Variants in TRIOBP observed in about 807,000 individuals in gnomAD.
TRIOBP encodes TRIO and F-actin-binding protein.
Under a neutral mutation model 238.8 loss-of-function variants are expected in TRIOBP, and 169 were observed. That is an observed-to-expected ratio of 0.71 (90% CI 0.62 to 0.80). The LOEUF (loss-of-function observed/expected upper bound fraction) is 0.80. Among genes scored for constraint, TRIOBP ranks in the 30% least tolerant of loss-of-function variants. The pLI is 0.00. For synonymous variants in TRIOBP, 1,150 were observed against 1,274.4 expected, an observed-to-expected ratio of 0.90 and a Z score of 2.08; for missense variants, 2,838 against 3,122.6, an observed-to-expected ratio of 0.91 and a Z score of 2.17.
chr22:37,757,760 C>G lies in TRIOBP; in HGVS notation c.5835C>G (p.Tyr1945Ter). Reference sequence around the variant, plus strand: ...ACGGGCAGCGTCAGGCCTTGGACTACGTGGAGCTCTCGCCGCTGACCCAGG... The same window carrying G: ...ACGGGCAGCGTCAGGCCTTGGACTAGGTGGAGCTCTCGCCGCTGACCCAGG... ...KADGQRQALD[Y>*]VELSPLTQAS... Residue 1945 changes from tyrosine (Y) to a stop codon, truncating the protein, a stop_gained, in exon 16 of 24, where the codon TAC (tyrosine) becomes TAG (stop). Transcript: ENST00000644935. LOFTEE classifies it high-confidence loss of function. 1 of 1,560,706 alleles carries G rather than the reference C, an allele frequency of 6.4e-7. No homozygotes were observed. The highest frequency in any genetic ancestry group is 8.7e-7 in the Non-Finnish European group (1 of 1,153,174).
At chr22:37,772,841 C>A (rs1926852465) in intron 23 of TRIOBP, 77 bp downstream of exon 23, 10 of 1,544,832 alleles carry the variant, frequency 6.5e-6, no homozygotes, top group Non-Finnish European at 8.8e-6. Context: ...CTGGACCACC[C>A]CAGCCAGGCC....
chr22:37,717,358 T>C (rs966902617), intron 6 of TRIOBP, among the ~76,000 whole-genome samples: 6 of 152,176 alleles, frequency 3.9e-5, no homozygotes, highest in Non-Finnish European at 5.9e-5. Context: ...TTCCACAGCA[T>C]GGAAGAGGAC....
At chr22:37,740,191 C>T (rs1230252397) in intron 10 of TRIOBP, among the ~76,000 whole-genome samples, 1 of 152,236 alleles carries the variant, frequency 6.6e-6, no homozygotes, top group African/African-American at 2.4e-5. Context: ...AAAGAGTCTG[C>T]AGATTCCAGA....
At chr22:37,702,016 T>TGG in intron 3 of TRIOBP, among the ~76,000 whole-genome samples, 1 of 151,702 alleles carries the variant, frequency 6.6e-6, no homozygotes, top group Non-Finnish European at 1.5e-5. Flanking sequence ...GGCAGGAGAA[T>TGG]CACTTGAACC....
chr22:37,701,880 C>A (rs942227264), intron 3 of TRIOBP, among the ~76,000 whole-genome samples: 5 of 152,156 alleles, frequency 3.3e-5, no homozygotes, highest in African/African-American at 1.2e-4. Flanking sequence ...GTAATCCCAG[C>A]ACTTTGGGAG....
At chr22:37,718,147 C>A (rs1923632427) in intron 6 of TRIOBP, among the ~76,000 whole-genome samples, 1 of 152,212 alleles carries the variant, frequency 6.6e-6, no homozygotes, top group Admixed American at 6.5e-5. Flanking sequence ...CGGGGCCCAC[C>A]AAGCCCACGC....
intron 15 of TRIOBP, 136 bp downstream of exon 15, chr22:37,755,795 T>C (rs536702998): frequency 4.4e-5 from 33 of 754,998 alleles, no homozygotes; most frequent in Middle Eastern, 2.4e-4. Context: ...AAGAGAGTAG[T>C]GAGCATTCTC....
chr22:37,725,981 C>T lies in TRIOBP; in HGVS notation c.3425C>T (p.Ala1142Val). The T allele has an allele frequency of 6.2e-7, 1 of 1,613,088 alleles. No homozygotes were observed. Among genetic ancestry groups the T allele is most frequent in the South Asian group, 1.1e-5 (1 of 91,042 alleles). ...CTCTTATTCCAGGACCTCCCCAGGG[C>T]CAGCACAGAGAGCCTTGTCCCTTCC... ...PSLLFQDLPRASTESLVPSMD... is the reference protein window; with the variant it reads ...PSLLFQDLPRVSTESLVPSMD... The change falls in exon 7 of 24, where the codon GCC becomes GTC. Residue 1142 changes from alanine (A) to valine (V), a missense_variant. Ala to Val is a moderately conservative substitution (Grantham distance 64). Transcript: ENST00000644935.
chr22:37,771,832 C>G, intron 22 of TRIOBP, 96 bp downstream of exon 22: 1 of 1,079,056 alleles, frequency 9.3e-7, no homozygotes, highest in Non-Finnish European at 1.4e-6. Context: ...CCTCCACTCG[C>G]TTCATCCTTC....
chr22:37,710,736 G>GC lies in TRIOBP; in HGVS notation c.254+173dup, dbSNP rs35554660. Among the ~76,000 whole-genome samples, 81,972 of 151,948 alleles carry GC rather than the reference G, an allele frequency of 0.54. 22,808 individuals are homozygous for GC. The highest frequency in any genetic ancestry group is 0.7 in the East Asian group (3,594 of 5,156). On this transcript the variant is annotated intron_variant, in intron 4 of 23. Coordinates refer to ENST00000644935, the MANE Select transcript of TRIOBP (RefSeq NM_001039141.3). ...GGTGGGTGGTGGGCATGCTCCTTGG[G>GC]CCCACAGGAAGAACTCAGATCACAC...
rs866948221 is a variant in TRIOBP, at chr22:37,726,155, C to T, written c.3599C>T (p.Ala1200Val). The change falls in exon 7 of 24, where the codon GCC becomes GTC. Residue 1200 changes from alanine (A) to valine (V), a missense_variant. By Grantham distance (64) the Ala-to-Val change is moderately conservative. Around this residue, in one of 5 missense-constraint regions of TRIOBP, gnomAD observed 2,096 missense variants for 2,137.4 expected, o/e 0.98. Transcript: ENST00000644935. Reference protein sequence around the residue: ...DPPGTSMESLAPSTDSLHGSP... With the variant: ...DPPGTSMESLVPSTDSLHGSP... ...CCTGGAACTAGTATGGAGAGCCTGG[C>T]CCCCTCCACTGACTCTCTGCATGGC... 1 of 1,582,854 alleles carries T rather than the reference C, an allele frequency of 6.3e-7. No homozygotes were observed.
At position 37,754,916 on chromosome 22, in the gene TRIOBP, T is replaced by C; in HGVS notation, c.5419T>C (p.Trp1807Arg). ...PSLTTTSTSQ[W>R]KKHWFVLTDS... The stretch of plus-strand genomic sequence containing the variant: ...GCTCACCACCACCTCTACTTCGCAG[T>C]GGAAGAAACATTGGTTTGTGCTGAC... Residue 1807 changes from tryptophan (W) to arginine (R), a missense_variant, in exon 13 of 24, where the codon TGG becomes CGG. By Grantham distance (101) the Trp-to-Arg change is moderately radical. Around this residue, in one of 5 missense-constraint regions of TRIOBP, gnomAD observed 2,096 missense variants for 2,137.4 expected, o/e 0.98. Coordinates refer to ENST00000644935, the MANE Select transcript of TRIOBP (RefSeq NM_001039141.3). The C allele has an allele frequency of 6.2e-7, 1 of 1,614,120 alleles. No homozygotes were observed. Among genetic ancestry groups the C allele is most frequent in the Non-Finnish European group, 8.5e-7 (1 of 1,180,028 alleles).
intron 21 of TRIOBP, among the ~76,000 whole-genome samples, chr22:37,770,221 G>A (rs1015260324): frequency 4.7e-5 from 7 of 147,486 alleles, no homozygotes; most frequent in East Asian, 2.2e-4. Flanking sequence ...GGCAGATCAC[G>A]AGGTAGGAGA....
At position 37,757,649 on chromosome 22, in the gene TRIOBP, C is replaced by G. The variant is rs1926001813; in HGVS notation, c.5724C>G (p.Ser1908Arg). Reference protein sequence around the residue: ...SDSNKENALHSYSTQKGPLKA... With the variant: ...SDSNKENALHRYSTQKGPLKA... ...CTAACAAGGAGAACGCGCTGCACAG[C>G]TACAGCACCCAGAAGGGCCCCCTGA... Residue 1908 changes from serine to arginine, a missense_variant, in exon 16 of 24, where the codon AGC (serine) becomes AGG (arginine). Physicochemically the swap from Ser to Arg is moderately radical, Grantham distance 110. Around this residue, in one of 5 missense-constraint regions of TRIOBP, gnomAD observed 2,096 missense variants for 2,137.4 expected, o/e 0.98. Transcript: ENST00000644935. 1 of 1,590,458 alleles carries G rather than the reference C, an allele frequency of 6.3e-7. No homozygotes were observed. Among genetic ancestry groups the G allele is most frequent in the African/African-American group, 1.3e-5 (1 of 74,444 alleles).
intron 3 of TRIOBP, 59 bp from the exon 4 acceptor site, chr22:37,710,368 G>C (rs1312224370): frequency 1.2e-6 from 2 of 1,606,798 alleles, no homozygotes; most frequent in East Asian, 2.2e-5. Context: ...GGGCTGTGCA[G>C]GGGGAGGGGA....
chr22:37,697,899 A>T (rs1162344599), intron 2 of TRIOBP, among the ~76,000 whole-genome samples: 1 of 152,088 alleles, frequency 6.6e-6, no homozygotes, highest in African/African-American at 2.4e-5. Flanking sequence ...GAACCCTTGC[A>T]CAAGTAAGAT....
At position 37,726,479 on chromosome 22, in the gene TRIOBP, A is replaced by G. The variant is rs1406621526; in HGVS notation, c.3923A>G (p.Glu1308Gly). The change falls in exon 7 of 24, where the codon GAG becomes GGG. Residue 1308 changes from glutamate to glycine, a missense_variant. This residue lies in a region of TRIOBP where 2,096 missense variants were observed against 2,137.4 expected (regional missense o/e 0.98). Transcript: ENST00000644935. ...RTHSPGRAEV[E>G]RLFGQERRKS... ...CACAGCCCTGGCCGTGCAGAGGTGG[A>G]GCGCCTCTTCGGGCAAGAGCGCAGG... 2 of 1,539,336 alleles carry G rather than the reference A, an allele frequency of 1.3e-6. No homozygotes were observed. The highest frequency in any genetic ancestry group is 1.4e-5 in the African/African-American group (1 of 73,586).
intron 6 of TRIOBP, among the ~76,000 whole-genome samples, chr22:37,721,677 C>G (rs544227368): frequency 8.1e-4 from 123 of 152,180 alleles, no homozygotes; most frequent in African/African-American, 2.9e-3. Flanking sequence ...GACAGGGTCT[C>G]GCCATGTTGC....
intron 11 of TRIOBP, among the ~76,000 whole-genome samples, chr22:37,743,855 TGTGA>T (rs375494380): frequency 0.011 from 887 of 79,782 alleles, 18 homozygotes; most frequent in African/African-American, 0.039. Context: ...GCTGGGTGTG[TGTGA>T]GTGTGTGCTG....
Sources: gnomAD v4.1 joint callset for allele counts (sites outside exome capture counted in the v4.1 genomes callset) on GRCh38, gnomAD v4.1.1 for gene constraint, gnomAD v4.1.1 regional missense constraint, MANE v1.5 for transcripts, NCBI Gene and HGNC (gene_info 2026-07-23, HGNC 2026-07-21) for gene names.